The following CYFIP2 variants were observed in gnomAD, a reference collection of about 807,000 sequenced individuals.
CYFIP2 encodes the protein cytoplasmic FMR1-interacting protein 2.
A neutral mutation model predicts 158.7 loss-of-function variants in CYFIP2; 29 were observed. The observed-to-expected ratio is 0.18, with a 90% confidence interval of 0.14 to 0.25. The LOEUF (loss-of-function observed/expected upper bound fraction) is 0.25. Among genes scored for constraint, CYFIP2 ranks in the 10% least tolerant of loss-of-function variants. The pLI is 1.00. For missense variants in CYFIP2, 852 were observed against 1,639.5 expected (o/e 0.52, Z 8.29); for synonymous variants, 585 against 617.6 (o/e 0.95, Z 0.78).
At chr5:157,392,665 CCA>C (rs1767427911) in intron 30 of CYFIP2, among the ~76,000 whole-genome samples, 166 bp from the exon 31 acceptor site, 1 of 152,098 alleles carries the variant, frequency 6.6e-6, no homozygotes, top group African/African-American at 2.4e-5. Context: ...TTTTTACGGT[CCA>C]GTTAACACTT....
chr5:157,368,093 A>C (rs1764598921), intron 26 of CYFIP2, among the ~76,000 whole-genome samples: 1 of 152,156 alleles, frequency 6.6e-6, no homozygotes, highest in African/African-American at 2.4e-5. Context: ...ATTCTTCCAG[A>C]TGTTTTTATG....
At chr5:157,385,587 T>C (rs1766598269) in intron 28 of CYFIP2, among the ~76,000 whole-genome samples, 1 of 152,148 alleles carries the variant, frequency 6.6e-6, no homozygotes, top group Non-Finnish European at 1.5e-5. Flanking sequence ...AACTTGGGGC[T>C]GGGGGAGGTT....
At chr5:157,278,112 A>G (rs1393349946) in intron 1 of CYFIP2, among the ~76,000 whole-genome samples, 1 of 152,154 alleles carries the variant, frequency 6.6e-6, no homozygotes, top group Non-Finnish European at 1.5e-5. Context: ...TTTTTTTAAT[A>G]GGAACAACCT....
chr5:157,280,485 A>G lies in CYFIP2; in HGVS notation c.-23-4854A>G, dbSNP rs377234688. 1.3e-4 allele frequency among the ~76,000 whole-genome samples: 20 copies of G among 151,006 alleles called. No homozygotes were observed. In the South Asian group the frequency reaches 4.0e-3, roughly 30 times the overall value. Reference sequence around the variant, plus strand: ...GTGATCCACCCGTCTCAGCCTCCCAAAGTGCTGGGATTACAGGCGTGAGCC... The same window carrying G: ...GTGATCCACCCGTCTCAGCCTCCCAGAGTGCTGGGATTACAGGCGTGAGCC... On this transcript the variant is annotated intron_variant, in intron 1 of 30. Coordinates refer to ENST00000620254, the MANE Select transcript of CYFIP2 (RefSeq NM_001037333.3).
At chr5:157,292,096 T>G (rs28660413) in intron 3 of CYFIP2, among the ~76,000 whole-genome samples, 14,044 of 152,250 alleles carry the variant, frequency 0.092, 875 homozygotes, top group East Asian at 0.26. Context: ...GTATACTTTC[T>G]GTTTCTATGG....
intron 25 of CYFIP2, among the ~76,000 whole-genome samples, chr5:157,360,947 A>AAAAAG (rs1407407888): frequency 5.3e-5 from 8 of 152,198 alleles, no homozygotes; most frequent in African/African-American, 1.7e-4. Flanking sequence ...TCACAATAGG[A>AAAAAG]AAAAGATAAG....
chr5:157,379,023 C>T (rs1765776175), intron 26 of CYFIP2, among the ~76,000 whole-genome samples: 1 of 152,200 alleles, frequency 6.6e-6, no homozygotes, highest in Non-Finnish European at 1.5e-5. Context: ...CCTCTGCCCA[C>T]CTGCATTCCC....
At chr5:157,274,765 G>A (rs1368451149) in intron 1 of CYFIP2, among the ~76,000 whole-genome samples, 1 of 152,164 alleles carries the variant, frequency 6.6e-6, no homozygotes, top group East Asian at 1.9e-4. Context: ...AGCCATCCTA[G>A]TGGGTGTGAA....
intron 13 of CYFIP2, among the ~76,000 whole-genome samples, chr5:157,318,303 TA>T (rs1264325702): frequency 2.0e-5 from 3 of 152,026 alleles, no homozygotes; most frequent in Non-Finnish European, 4.4e-5. Context: ...TCTAGAGTTG[TA>T]AAGATTTTTC....
intron 23 of CYFIP2, chr5:157,342,894 G>T: frequency 6.2e-7 from 1 of 1,613,748 alleles, no homozygotes; most frequent in South Asian, 1.1e-5. Flanking sequence ...ATAGCGGGTG[G>T]GTCACCACCC....
intron 23 of CYFIP2, chr5:157,342,741 AC>A: frequency 1.0e-6 from 1 of 992,566 alleles, no homozygotes; most frequent in Non-Finnish European, 1.4e-6. Context: ...AACCCAGGTG[AC>A]CTACAATAGC....
chr5:157,337,515 G>A (rs1761946163), intron 21 of CYFIP2, among the ~76,000 whole-genome samples: 1 of 152,188 alleles, frequency 6.6e-6, no homozygotes, highest in Non-Finnish European at 1.5e-5. Flanking sequence ...TTAGCCATGT[G>A]TGTTTGCAAG....
At chr5:157,338,904 A>T (rs1460572255) in intron 21 of CYFIP2, among the ~76,000 whole-genome samples, 153 bp from the exon 22 acceptor site, 1 of 152,140 alleles carries the variant, frequency 6.6e-6, no homozygotes, top group Non-Finnish European at 1.5e-5. Flanking sequence ...GAACCTTGTC[A>T]CCTGCTACTG....
chr5:157,383,540 C>G (rs1052051320), intron 28 of CYFIP2, 181 bp downstream of exon 28: 2 of 567,852 alleles, frequency 3.5e-6, no homozygotes, highest in Middle Eastern at 2.9e-4. Context: ...TTTGCTGACT[C>G]TCAGGCCTGA....
rs752212345 is a variant in CYFIP2 at position 157,311,760 on chromosome 5, C to T, written c.1089C>T (p.Leu363=). 8 of 1,599,718 alleles carry T rather than the reference C, an allele frequency of 5.0e-6. No homozygotes were observed. The highest frequency in any genetic ancestry group is 3.5e-5 in the Admixed American group (2 of 57,684). ...ACCACATCCGCTTCATCTCCGAGCTCGCTCGCTACAGCAACAGTGAGGTGA... is the reference window on the plus strand; with the variant it reads ...ACCACATCCGCTTCATCTCCGAGCTTGCTCGCTACAGCAACAGTGAGGTGA... The part of the protein sequence containing the change: ...RDDHIRFISE[L]ARYSNSEVVT... Residue 363 remains leucine, a synonymous_variant, in exon 11 of 31, where the codon CTC becomes CTT. Coordinates refer to ENST00000620254, the MANE Select transcript of CYFIP2 (RefSeq NM_001037333.3). The surrounding 1 kb of genome is among the most constrained non-coding windows in gnomAD (Gnocchi z 4.7).
intron 8 of CYFIP2, among the ~76,000 whole-genome samples, chr5:157,307,113 C>T (rs1759294960): frequency 6.6e-6 from 1 of 152,112 alleles, no homozygotes; most frequent in African/African-American, 2.4e-5. Context: ...AGAATGTCAA[C>T]CTACTCAGAG....
intron 15 of CYFIP2, chr5:157,323,132 T>A: frequency 2.0e-6 from 2 of 986,562 alleles, no homozygotes; most frequent in Non-Finnish European, 3.0e-6. Flanking sequence ...ACAAATGATG[T>A]GGAGAGATCT....
chr5:157,303,361 G>A (rs1321005359), intron 7 of CYFIP2, among the ~76,000 whole-genome samples: 1 of 152,232 alleles, frequency 6.6e-6, no homozygotes, highest in Non-Finnish European at 1.5e-5. Context: ...CCTGACAGAT[G>A]TTCAGGGCCT....
intron 1 of CYFIP2, among the ~76,000 whole-genome samples, chr5:157,284,112 C>T (rs1046137696): frequency 2.1e-4 from 32 of 152,046 alleles, no homozygotes; most frequent in Non-Finnish European, 4.1e-4. Context: ...CTACTGTTAA[C>T]GTTTTATTTT....
Sources: gnomAD v4.1 joint callset for allele counts (sites outside exome capture counted in the v4.1 genomes callset) on GRCh38, gnomAD v4.1.1 for gene constraint, Gnocchi (gnomAD v3.1) non-coding constraint, MANE v1.5 for transcripts, NCBI Gene and HGNC (gene_info 2026-07-23, HGNC 2026-07-21) for gene names.